The following DGKB variants were observed in gnomAD, a reference collection of about 807,000 sequenced individuals.
The protein encoded by DGKB is diacylglycerol kinase beta, also known as 90 kDa diacylglycerol kinase.
Under a neutral mutation model 114.3 loss-of-function variants are expected in DGKB, and 67 were observed. That is an observed-to-expected ratio of 0.59 (90% CI 0.48 to 0.72). The LOEUF is 0.72. Ranked by LOEUF, DGKB falls within the 30% of genes least tolerant of loss-of-function variation. The pLI, the probability that DGKB is intolerant of heterozygous loss-of-function variation, is 0.00. For synonymous variants in DGKB, 398 were observed against 323.1 expected, an observed-to-expected ratio of 1.23 and a Z score of -2.49; for missense variants, 907 against 975.2, an observed-to-expected ratio of 0.93 and a Z score of 0.93.
chr7:14,559,383 AGCGTAGAGGGTAATGGTCT>A (rs1205603254), intron 20 of DGKB, among the ~76,000 whole-genome samples: 1 of 152,250 alleles, frequency 6.6e-6, no homozygotes, highest in East Asian at 1.9e-4. Context: ...AAGGGGGCAC[AGCGTAGAGGGTAATGGTCT>A]GCTCATTCTG....
chr7:14,905,774 C>A (rs1587354197), upstream of DGKB, among the ~76,000 whole-genome samples: 1 of 152,194 alleles, frequency 6.6e-6, no homozygotes, highest in Admixed American at 6.5e-5. Context: ...GCGTCTCTAG[C>A]ATCTACCAAA....
At chr7:14,693,107 C>G (rs528397509) in intron 9 of DGKB, among the ~76,000 whole-genome samples, 1 of 152,176 alleles carries the variant, frequency 6.6e-6, no homozygotes, top group Admixed American at 6.5e-5. Context: ...AATATTTCAG[C>G]TGGTAATAAG....
chr7:14,772,039 A>G (rs188220367), intron 2 of DGKB, among the ~76,000 whole-genome samples: 1 of 151,496 alleles, frequency 6.6e-6, no homozygotes, highest in African/African-American at 2.4e-5. Flanking sequence ...AAATTTACCT[A>G]GAGCCTAGAA....
chr7:14,180,551 T>C (rs1346586845), intron 23 of DGKB, among the ~76,000 whole-genome samples: 1 of 152,228 alleles, frequency 6.6e-6, no homozygotes, highest in African/African-American at 2.4e-5. Context: ...TAGTGCCATC[T>C]TTACTAACTC....
chr7:14,966,672 C>T (rs1190999883), intron 1 of DGKB, among the ~76,000 whole-genome samples: 1 of 152,034 alleles, frequency 6.6e-6, no homozygotes, highest in African/African-American at 2.4e-5. Context: ...AACAGACTGA[C>T]CAGATGAGAG....
chr7:14,213,759 T>C (rs762845364), intron 23 of DGKB, among the ~76,000 whole-genome samples: 1 of 152,162 alleles, frequency 6.6e-6, no homozygotes, highest in Non-Finnish European at 1.5e-5. Flanking sequence ...AGGATTCTCA[T>C]GCCTTCCACC....
At position 14,414,329 on chromosome 7, in the gene DGKB, C is replaced by T. The variant is rs569198135; in HGVS notation, c.1835+63832G>A. On this transcript the variant is annotated intron_variant, in intron 21 of 25. Coordinates refer to ENST00000402815, the MANE Select transcript of DGKB (RefSeq NM_001350709.2). Reference sequence around the variant, plus strand: ...CTCTGGGAAGATTTTAAAACTTGCTCGAGCAACTAAAAATGAGAGTTGAAA... The same window carrying T: ...CTCTGGGAAGATTTTAAAACTTGCTTGAGCAACTAAAAATGAGAGTTGAAA... Among the ~76,000 whole-genome samples, 15 of 152,050 alleles carry T rather than the reference C, an allele frequency of 9.9e-5. No individual in the cohort carries two copies. In the South Asian group the frequency reaches 1.2e-3, roughly 13 times the overall value.
Position 14,604,683 on chromosome 7 carries a change from A to T in DGKB, c.1433+2751T>A, listed in dbSNP as rs542854862. Among the ~76,000 whole-genome samples the T allele has an allele frequency of 7.2e-5, 11 of 152,234 alleles. No homozygotes were observed. In the South Asian group the frequency reaches 2.1e-3, roughly 29 times the overall value. On this transcript the variant is annotated intron_variant, in intron 17 of 25. Transcript: ENST00000402815. ...TTCTAACGCCATACATTAAAAGGGA[A>T]TCACTGCAATAGGACACTCTTAGCA...
chr7:14,454,527 T>A (rs17168196), intron 21 of DGKB, among the ~76,000 whole-genome samples: 19,241 of 152,096 alleles, frequency 0.13, 1,615 homozygotes, highest in African/African-American at 0.22. Flanking sequence ...AATTATAATA[T>A]GGCTTTTAAA....
intron 21 of DGKB, among the ~76,000 whole-genome samples, chr7:14,357,406 C>G (rs1438208352): frequency 6.6e-6 from 1 of 152,124 alleles, no homozygotes; most frequent in East Asian, 1.9e-4. Flanking sequence ...TTATCAGAGA[C>G]TAGGATTGCA....
At chr7:14,960,323 A>T (rs1169645512) in intron 1 of DGKB, among the ~76,000 whole-genome samples, 1 of 152,042 alleles carries the variant, frequency 6.6e-6, no homozygotes, top group African/African-American at 2.4e-5. Context: ...CAAAATCTGA[A>T]TTTTTTATAC....
intron 2 of DGKB, among the ~76,000 whole-genome samples, chr7:14,840,744 A>ACACACACACACACACACC (rs1554298987): frequency 8.6e-6 from 1 of 116,238 alleles, no homozygotes; most frequent in Non-Finnish European, 1.8e-5. Flanking sequence ...ACACACACAC[A>ACACACACACACACACACC]CCTCTCCCTT....
intron 23 of DGKB, among the ~76,000 whole-genome samples, chr7:14,326,587 G>A (rs1808783069): frequency 6.6e-6 from 1 of 152,082 alleles, no homozygotes; most frequent in African/African-American, 2.4e-5. Flanking sequence ...GTAGTGGAAG[G>A]AAAGAAAATT....
At chr7:14,662,816 C>T (rs1264076298) in intron 13 of DGKB, among the ~76,000 whole-genome samples, 2 of 151,286 alleles carry the variant, frequency 1.3e-5, no homozygotes, top group East Asian at 3.9e-4. Flanking sequence ...AATTGTAATT[C>T]TTCTTATATA....
intron 1 of DGKB, among the ~76,000 whole-genome samples, chr7:14,891,243 G>A (rs1781181543): frequency 6.6e-6 from 1 of 151,388 alleles, no homozygotes; most frequent in South Asian, 2.1e-4. Flanking sequence ...GAATGAAGAA[G>A]ATAGTCACTT....
At chr7:14,915,666 T>A (rs1037505041) in intron 1 of DGKB, among the ~76,000 whole-genome samples, 11 of 152,084 alleles carry the variant, frequency 7.2e-5, no homozygotes, top group African/African-American at 2.4e-4. Flanking sequence ...GAGACAAGTA[T>A]TTAAAGTGTG....
chr7:14,547,244 C>T (rs1379834649), intron 20 of DGKB, among the ~76,000 whole-genome samples: 1 of 152,096 alleles, frequency 6.6e-6, no homozygotes, highest in Non-Finnish European at 1.5e-5. Context: ...AATAAACCTG[C>T]TACATCCTGT....
chr7:14,219,569 C>A (rs1318996394), intron 23 of DGKB, among the ~76,000 whole-genome samples: 3 of 151,706 alleles, frequency 2.0e-5, no homozygotes, highest in Non-Finnish European at 3.0e-5. Context: ...CGTATATATA[C>A]CATTTCTATG....
intron 9 of DGKB, among the ~76,000 whole-genome samples, chr7:14,693,792 T>C (rs928529416): frequency 6.6e-6 from 1 of 152,000 alleles, no homozygotes; most frequent in African/African-American, 2.4e-5. Flanking sequence ...AGGAGGTCAG[T>C]AACTTAAAAA....
Sources: gnomAD v4.1 joint callset for allele counts (sites outside exome capture counted in the v4.1 genomes callset) on GRCh38, gnomAD v4.1.1 for gene constraint, MANE v1.5 for transcripts, NCBI Gene and HGNC (gene_info 2026-07-23, HGNC 2026-07-21) for gene names.